FBXO41: variants seen among roughly 807,000 people sequenced by gnomAD.
The protein encoded by FBXO41 is F-box only protein 41.
A neutral mutation model predicts 81.6 loss-of-function variants in FBXO41; 33 were observed. The observed-to-expected ratio is 0.40, with a 90% CI of 0.31 to 0.54. FBXO41 has a LOEUF of 0.54. Ranked by LOEUF, FBXO41 falls within the 20% of genes least tolerant of loss-of-function variation. The pLI is 0.39. For synonymous variants in FBXO41, 576 were observed against 552.7 expected, an observed-to-expected ratio of 1.04 and a Z score of -0.59; for missense variants, 1,107 against 1,236.0, an observed-to-expected ratio of 0.90 and a Z score of 1.56.
At chr2:73,263,386 C>T (rs569032559) in intron 8 of FBXO41, 78 bp from the exon 9 acceptor site, 10 of 1,166,408 alleles carry the variant, frequency 8.6e-6, no homozygotes, top group Middle Eastern at 2.4e-4. Flanking sequence ...AGGTCAAGGC[C>T]GAGGTTGGGG....
At chr2:73,278,727 T>G (rs144995059) in intron 1 of FBXO41, among the ~76,000 whole-genome samples, 1 of 152,290 alleles carries the variant, frequency 6.6e-6, no homozygotes, top group East Asian at 1.9e-4. Context: ...AAAATATAAT[T>G]GCCAGGTGAG....
chr2:73,264,617 T>C, intron 5 of FBXO41, 98 bp from the exon 6 acceptor site: 1 of 1,531,178 alleles, frequency 6.5e-7, no homozygotes, highest in Non-Finnish European at 8.8e-7. Context: ...TGCAGAGGAA[T>C]GGACATGCTG....
intron 1 of FBXO41, among the ~76,000 whole-genome samples, chr2:73,282,669 C>T (rs909724754): frequency 4.6e-5 from 7 of 152,202 alleles, no homozygotes; most frequent in African/African-American, 1.7e-4. Context: ...CTCCACCGCA[C>T]TCCAGCCTTC....
Position 73,266,682 on chromosome 2 carries a change from C to T in FBXO41, c.906G>A (p.Gln302=). 6.3e-7 allele frequency: 1 copy of T among 1,578,196 alleles called. No homozygotes were observed. Among genetic ancestry groups the T allele is most frequent in the Non-Finnish European group, 8.6e-7 (1 of 1,162,670 alleles). Residue 302 remains glutamine (Q), a splice_region_variant and synonymous_variant, in exon 3 of 13, where the codon CAG becomes CAA. Coordinates refer to ENST00000520530, the MANE Select transcript of FBXO41 (RefSeq NM_001371389.2). The surrounding 1 kb of genome is among the most constrained non-coding windows in gnomAD (Gnocchi z 5.3). ...GGAACTGGTCGATCTGCACCACCTC[C>T]CTGGGCCCAGAGCAGTCTCTTACCC... ...HKEQELSRKQ[Q]EVVQIDQFLK...
chr2:73,261,720 C>T (rs1688028616), intron 9 of FBXO41, among the ~76,000 whole-genome samples: 1 of 152,224 alleles, frequency 6.6e-6, no homozygotes, highest in South Asian at 2.1e-4. Flanking sequence ...AATTCCTTAG[C>T]AAGGCCCTTC....
chr2:73,266,846 C>G lies in FBXO41; in HGVS notation c.906-164G>C, dbSNP rs145259596. Reference sequence around the variant, plus strand: ...AACAGGCCTAGCACACAGCCCCGCACGATGACACATACAGAAATGCATGCA... The same window carrying G: ...AACAGGCCTAGCACACAGCCCCGCAGGATGACACATACAGAAATGCATGCA... On this transcript the variant is annotated intron_variant, in intron 2 of 12. Transcript: ENST00000520530. The surrounding 1 kb of genome is among the most constrained non-coding windows in gnomAD (Gnocchi z 5.3). 3 of 1,117,606 alleles carry G rather than the reference C, an allele frequency of 2.7e-6. No homozygotes were observed. The highest frequency in any genetic ancestry group is 3.5e-6 in the Non-Finnish European group (3 of 847,132). The allele number at this position is 1,117,606 out of a possible 1,614,324, so 69.2% of individuals were successfully genotyped here. A position where few individuals can be genotyped will look rare whatever the true frequency, so the allele number is the denominator to read the frequency against.
In FBXO41 at chr2:73,269,451, A is replaced by AGCGGCG. The variant is rs1412493301; in HGVS notation, c.174_179dup (p.Ala60_Ala61dup). On this transcript the variant is annotated inframe_insertion, in exon 2 of 13. Coordinates refer to ENST00000520530, the MANE Select transcript of FBXO41 (RefSeq NM_001371389.2). This position sits in a 1 kb window ranked among gnomAD's most constrained non-coding sequence, Gnocchi z 7.0. ...CGGGAGCCAGCGGGAACCCCGAGGC[A>AGCGGCG]GCGGCGGCGGCGGCCGCGGCGGCGG... 9 of 1,291,720 alleles carry AGCGGCG rather than the reference A, an allele frequency of 7.0e-6. No homozygotes were observed. The highest frequency in any genetic ancestry group is 3.9e-5 in the Admixed American group (1 of 25,664). 80.0% of individuals were successfully genotyped at this position (1,291,720 alleles called of 1,614,324 possible). A position where few individuals can be genotyped will look rare whatever the true frequency, so the allele number is the denominator to read the frequency against.
rs747408382 is a variant in FBXO41, at chr2:73,265,527, A to G, written c.1319T>C (p.Leu440Ser). ...GTTGGCAGCCTGGGCCCGTGTGCCC[A>G]AGCCCCCAGGGCCACTGTCCTCAGG... ...GAPEDSGPGG[L>S]GTRAQAANGG... The change falls in exon 5 of 13, where the codon TTG becomes TCG. Residue 440 changes from leucine to serine, a missense_variant. Leu to Ser is a moderately radical substitution (Grantham distance 145). Coordinates refer to ENST00000520530, the MANE Select transcript of FBXO41 (RefSeq NM_001371389.2). 6.3e-7 allele frequency: 1 copy of G among 1,596,666 alleles called. No individual in the cohort carries two copies. Among genetic ancestry groups the G allele is most frequent in the Non-Finnish European group, 8.5e-7 (1 of 1,173,232 alleles).
At chr2:73,265,160 A>G in intron 5 of FBXO41, 122 bp downstream of exon 5, 1 of 922,004 alleles carries the variant, frequency 1.1e-6, no homozygotes, top group Non-Finnish European at 1.6e-6. Flanking sequence ...TTCCTGCCCC[A>G]GGCTTGAAGG....
At chr2:73,263,102 G>A (rs1257452085) in intron 9 of FBXO41, 111 bp downstream of exon 9, 7 of 824,640 alleles carry the variant, frequency 8.5e-6, no homozygotes, top group Non-Finnish European at 1.3e-5. Context: ...ATTAATGTGT[G>A]TGGATCTGTC....
At position 73,263,174 on chromosome 2, in the gene FBXO41, G is replaced by A. The variant is rs73946823; in HGVS notation, c.2171+39C>T. 6,063 of 1,517,182 alleles carry A rather than the reference G, an allele frequency of 4.0e-3. 19 individuals carry two copies. The highest frequency in any genetic ancestry group is 9.1e-3 in the Middle Eastern group (54 of 5,934). 94.0% of individuals were successfully genotyped at this position (1,517,182 alleles called of 1,614,324 possible). A position where few individuals can be genotyped will look rare whatever the true frequency, so the allele number is the denominator to read the frequency against. ...CCTCAGCCCCAGACCAGGCCCAACCGTGTCCCCCCTCCTATCCCCCAAACC... is the reference window on the plus strand; with the variant it reads ...CCTCAGCCCCAGACCAGGCCCAACCATGTCCCCCCTCCTATCCCCCAAACC... On this transcript the variant is annotated intron_variant, in intron 9 of 12. Transcript: ENST00000520530.
In FBXO41 at chr2:73,259,365, T is replaced by A; in HGVS notation, c.2450-69A>T. 7.9e-7 allele frequency: 1 copy of A among 1,271,718 alleles called. No homozygotes were observed. The highest frequency in any genetic ancestry group is 1.1e-6 in the Non-Finnish European group (1 of 872,874). 78.8% of individuals were successfully genotyped at this position (1,271,718 alleles called of 1,614,324 possible). On this transcript the variant is annotated intron_variant, in intron 11 of 12. Transcript: ENST00000520530. The surrounding 1 kb of genome is among the most constrained non-coding windows in gnomAD (Gnocchi z 4.2). ...GTGGAGCTGCCTCCTCTCCTCTCAC[T>A]AATTAATGAAATCAGACAATCAGGT...
In FBXO41 at chr2:73,260,703, C is replaced by T. The variant is rs1687983830; in HGVS notation, c.2290+37G>A. The T allele has an allele frequency of 2.0e-6, 3 of 1,517,902 alleles. No individual in the cohort carries two copies. The African/African-American group carries it at 4.1e-5, about 21-fold the overall frequency. 94.0% of individuals were successfully genotyped at this position (1,517,902 alleles called of 1,614,324 possible). On this transcript the variant is annotated intron_variant, in intron 10 of 12. Coordinates refer to ENST00000520530, the MANE Select transcript of FBXO41 (RefSeq NM_001371389.2). The surrounding 1 kb of genome is among the most constrained non-coding windows in gnomAD (Gnocchi z 5.0). ...GGCAGCACTGCACCCATGCCTGCTTCCCACTACCCACCACCCCAGTCCAAG... is the reference window on the plus strand; with the variant it reads ...GGCAGCACTGCACCCATGCCTGCTTTCCACTACCCACCACCCCAGTCCAAG...
rs746483059 is a variant in FBXO41, at chr2:73,263,986, C to T, written c.1874G>A (p.Arg625Gln). 8.1e-6 allele frequency: 13 copies of T among 1,606,068 alleles called. No homozygotes were observed. The highest frequency in any genetic ancestry group is 2.2e-5 in the East Asian group (1 of 44,542). The change falls in exon 7 of 13, where the codon CGG (arginine) becomes CAG (glutamine). Residue 625 changes from arginine to glutamine, a missense_variant. Coordinates refer to ENST00000520530, the MANE Select transcript of FBXO41 (RefSeq NM_001371389.2). ...HSLTLQNLKP[R>Q]QRGKKESKEE... Reference sequence around the variant, plus strand: ...CTTGCTCTCCTTCTTTCCCCGCTGCCGGGGCTTCAAGTTCTGCAGCGTCAG... The same window carrying T: ...CTTGCTCTCCTTCTTTCCCCGCTGCTGGGGCTTCAAGTTCTGCAGCGTCAG...
chr2:73,268,639 A>G, intron 2 of FBXO41, 87 bp downstream of exon 2: 1 of 1,308,792 alleles, frequency 7.6e-7, no homozygotes, highest in Non-Finnish European at 1.0e-6. Context: ...CCACATACAG[A>G]CACACTCAGG....
At chr2:73,261,006 C>G in intron 9 of FBXO41, 148 bp from the exon 10 acceptor site, 1 of 608,694 alleles carries the variant, frequency 1.6e-6, no homozygotes, top group East Asian at 2.8e-5. Flanking sequence ...TCATCCCTGA[C>G]TCCTCTGCCC....
At chr2:73,264,088 G>T (rs765242792) in intron 6 of FBXO41, 35 bp from the exon 7 acceptor site, 3 of 1,563,744 alleles carry the variant, frequency 1.9e-6, no homozygotes, top group South Asian at 1.2e-5. Flanking sequence ...GGAGATGAAG[G>T]GGTCTGAACT....
At position 73,265,329 on chromosome 2, in the gene FBXO41, C is replaced by G. The variant is rs534854964; in HGVS notation, c.1517G>C (p.Arg506Pro). ...SEAEGPLDAP[R>P]PGPAMAGPLS... Reference sequence around the variant, plus strand: ...TGGCCCAGCCATAGCAGGCCCGGGGCGGGGCGCATCCAACGGGCCCTCAGC... The same window carrying G: ...TGGCCCAGCCATAGCAGGCCCGGGGGGGGGCGCATCCAACGGGCCCTCAGC... The change falls in exon 5 of 13, where the codon CGC (arginine) becomes CCC (proline). Residue 506 changes from arginine (R) to proline (P), a missense_variant. Coordinates refer to ENST00000520530, the MANE Select transcript of FBXO41 (RefSeq NM_001371389.2). 5 of 1,611,246 alleles carry G rather than the reference C, an allele frequency of 3.1e-6. No individual in the cohort carries two copies. Among genetic ancestry groups the G allele is most frequent in the Non-Finnish European group, 3.4e-6 (4 of 1,179,628 alleles).
At chr2:73,277,932 T>A (rs559762069) in intron 1 of FBXO41, among the ~76,000 whole-genome samples, 4 of 152,328 alleles carry the variant, frequency 2.6e-5, no homozygotes, top group Non-Finnish European at 5.9e-5. Flanking sequence ...CCTCTGTACT[T>A]TATGTGGTTG....
Sources: gnomAD v4.1 joint callset for allele counts (sites outside exome capture counted in the v4.1 genomes callset) on GRCh38, gnomAD v4.1.1 for gene constraint, Gnocchi (gnomAD v3.1) non-coding constraint, MANE v1.5 for transcripts, NCBI Gene and HGNC (gene_info 2026-07-23, HGNC 2026-07-21) for gene names.